Variants in OPCML observed in about 807,000 individuals in gnomAD.
OPCML encodes opioid binding protein/cell adhesion molecule like.
A neutral mutation model predicts 37.8 loss-of-function variants in OPCML; 13 were observed. The ratio of observed to expected loss-of-function variants is 0.34; its 90% CI spans 0.22 to 0.55. The LOEUF (loss-of-function observed/expected upper bound fraction) is 0.55, where lower values mean the gene tolerates loss of function less well. Among genes scored for constraint, OPCML ranks in the 20% least tolerant of loss-of-function variants. The pLI, the probability that OPCML is intolerant of heterozygous loss-of-function variation, is 0.91. For missense variants in OPCML, 341 were observed against 435.6 expected (o/e 0.78, Z 1.93); for synonymous variants, 176 against 168.8 (o/e 1.04, Z -0.33).
At chr11:133,138,339 C>T (rs1266864884) in intron 1 of OPCML, among the ~76,000 whole-genome samples, 2 of 152,158 alleles carry the variant, frequency 1.3e-5, no homozygotes, top group Non-Finnish European at 2.9e-5. Context: ...TTCCCAGCCT[C>T]AGCTAATCTG....
intron 1 of OPCML, among the ~76,000 whole-genome samples, chr11:133,414,190 G>A (rs561318760): frequency 6.6e-6 from 1 of 152,250 alleles, no homozygotes; most frequent in Non-Finnish European, 1.5e-5. Flanking sequence ...TGAGTATGCT[G>A]AATCATGGGG....
chr11:132,481,659 A>C (rs1388761113), intron 4 of OPCML, among the ~76,000 whole-genome samples: 1 of 151,518 alleles, frequency 6.6e-6, no homozygotes, highest in Non-Finnish European at 1.5e-5. Flanking sequence ...AGTTGACCAC[A>C]TAGTTGGAAG....
rs78293265 is a variant in OPCML, at chr11:132,883,082, C to T, written c.146+59844G>A. On this transcript the variant is annotated intron_variant, in intron 2 of 7. Coordinates refer to ENST00000524381, the MANE Select transcript of OPCML (RefSeq NM_001012393.5). The stretch of plus-strand genomic sequence containing the variant: ...CTTTCCCGCGAACACCAAAATGGTC[C>T]GATCTGAGGGGCAAGGTACTCCCGG... Among the ~76,000 whole-genome samples the T allele has an allele frequency of 1.6e-4, 25 of 152,190 alleles. No individual in the cohort carries two copies. The East Asian group carries it at 3.1e-3, about 19-fold the overall frequency.
At chr11:133,197,856 G>T (rs746634455) in intron 1 of OPCML, among the ~76,000 whole-genome samples, 1 of 152,112 alleles carries the variant, frequency 6.6e-6, no homozygotes, top group African/African-American at 2.4e-5. Context: ...GTCAAAGAAC[G>T]GGTGAAAAAG....
At chr11:132,831,717 T>A (rs868550319) in intron 2 of OPCML, among the ~76,000 whole-genome samples, 16 of 137,486 alleles carry the variant, frequency 1.2e-4, no homozygotes, top group Admixed American at 3.0e-4. Context: ...ACACAACTCT[T>A]CCCCCTTTTC....
chr11:133,524,015 T>C (rs150509932), intron 1 of OPCML, among the ~76,000 whole-genome samples: 402 of 152,348 alleles, frequency 2.6e-3, no homozygotes, highest in African/African-American at 8.6e-3. Context: ...GTTTGACGCA[T>C]GTCTGTCTCT....
intron 1 of OPCML, among the ~76,000 whole-genome samples, chr11:133,283,515 T>C (rs1942217677): frequency 6.6e-6 from 1 of 152,136 alleles, no homozygotes; most frequent in African/African-American, 2.4e-5. Context: ...CTGTAAAGCC[T>C]GCAGAACTAG....
chr11:132,730,587 AG>A (rs1192933288), intron 2 of OPCML, among the ~76,000 whole-genome samples: 11 of 152,202 alleles, frequency 7.2e-5, no homozygotes, highest in South Asian at 2.1e-4. Context: ...AAACTGTCAA[AG>A]GGACAATTCT....
chr11:132,427,330 T>C (rs2095980930), intron 7 of OPCML, among the ~76,000 whole-genome samples: 1 of 152,178 alleles, frequency 6.6e-6, no homozygotes, highest in Non-Finnish European at 1.5e-5. Flanking sequence ...ATGTTCTTGG[T>C]GATTAAAAGA....
chr11:133,418,783 A>G (rs1347358294), intron 1 of OPCML, among the ~76,000 whole-genome samples: 1 of 152,350 alleles, frequency 6.6e-6, no homozygotes, highest in African/African-American at 2.4e-5. Flanking sequence ...ATAACCAGCC[A>G]TTGTTCTGTA....
intron 3 of OPCML, among the ~76,000 whole-genome samples, chr11:132,649,405 C>T (rs1941317721): frequency 6.6e-6 from 1 of 152,046 alleles, no homozygotes; most frequent in African/African-American, 2.4e-5. Flanking sequence ...GTGTCATATT[C>T]GTTAATATCT....
At chr11:132,920,503 T>C (rs1002670142) in intron 2 of OPCML, among the ~76,000 whole-genome samples, 1 of 152,156 alleles carries the variant, frequency 6.6e-6, no homozygotes, top group African/African-American at 2.4e-5. Context: ...GGGTGCTGTC[T>C]TGGATCGCAG....
At chr11:133,436,783 CT>C in intron 1 of OPCML, among the ~76,000 whole-genome samples, 1 of 152,296 alleles carries the variant, frequency 6.6e-6, no homozygotes, top group South Asian at 2.1e-4. Flanking sequence ...TCGCATGGTT[CT>C]TCTGAGGAGC....
chr11:132,564,749 C>T (rs1335789159), intron 3 of OPCML, among the ~76,000 whole-genome samples: 3 of 152,170 alleles, frequency 2.0e-5, no homozygotes, highest in Non-Finnish European at 4.4e-5. Context: ...ATTCTGGTCT[C>T]TGTGGATGTG....
intron 4 of OPCML, among the ~76,000 whole-genome samples, chr11:132,524,992 C>G (rs778872048): frequency 8.5e-5 from 13 of 152,196 alleles, no homozygotes; most frequent in Non-Finnish European, 1.6e-4. Context: ...ACCCAGACTC[C>G]TCTCATTCCC....
chr11:133,140,634 G>A (rs936234198), intron 1 of OPCML, among the ~76,000 whole-genome samples: 1 of 147,330 alleles, frequency 6.8e-6, no homozygotes, highest in African/African-American at 2.5e-5. Context: ...GGAAGAGGAG[G>A]AAGAGGAGGA....
At chr11:132,705,304 C>T (rs142546232) in intron 2 of OPCML, among the ~76,000 whole-genome samples, 14 of 151,900 alleles carry the variant, frequency 9.2e-5, no homozygotes, top group African/African-American at 2.7e-4. Flanking sequence ...TAAAAGTGTG[C>T]GGCTGGCTGG....
chr11:132,760,303 G>A (rs1035579534), intron 2 of OPCML, among the ~76,000 whole-genome samples: 11 of 152,164 alleles, frequency 7.2e-5, no homozygotes, highest in African/African-American at 2.7e-4. Flanking sequence ...TTCTATAGAT[G>A]TCTATGAGGT....
rs147975138 is a variant in OPCML, at chr11:133,215,138, C to T, written c.62-272128G>A. 2.6e-4 allele frequency among the ~76,000 whole-genome samples: 40 copies of T among 152,216 alleles called. No individual in the cohort carries two copies. The East Asian group carries it at 6.0e-3, about 23-fold the overall frequency. On this transcript the variant is annotated intron_variant, in intron 1 of 7. Coordinates refer to ENST00000524381, the MANE Select transcript of OPCML (RefSeq NM_001012393.5). ...AGCAGCTGTAAACCAGGGAACTGGA[C>T]GTCCTTCCTTCCAGGCTTATGGTTC...
Sources: allele counts gnomAD v4.1 joint callset (sites outside exome capture counted in the v4.1 genomes callset), GRCh38; gene constraint gnomAD v4.1.1; transcripts MANE v1.5; gene names NCBI Gene and HGNC (gene_info 2026-07-23, HGNC 2026-07-21).